BPGM: variants seen among roughly 807,000 people sequenced by gnomAD.
The protein encoded by BPGM is 2,3-bisphosphoglycerate mutase, erythrocyte.
Under a neutral mutation model 21.6 loss-of-function variants are expected in BPGM, and 15 were observed. The observed-to-expected ratio is 0.70, with a 90% confidence interval of 0.47 to 1.07. The LOEUF (loss-of-function observed/expected upper bound fraction) is 1.07. BPGM is among the 50% of genes least tolerant of loss of function. The probability of loss-of-function intolerance (pLI) is 0.00; values close to 1 mark genes in which losing one functional copy is unlikely to be tolerated. For synonymous variants in BPGM, 113 were observed against 116.2 expected, an observed-to-expected ratio of 0.97 and a Z score of 0.18; for missense variants, 273 against 319.0, an observed-to-expected ratio of 0.86 and a Z score of 1.10.
At chr7:134,658,981 G>A (rs1795686690) in intron 1 of BPGM, among the ~76,000 whole-genome samples, 2 of 151,284 alleles carry the variant, frequency 1.3e-5, no homozygotes, top group Admixed American at 1.3e-4. Flanking sequence ...TTGGTGGTGG[G>A]TGCCTGAGTG....
intron 2 of BPGM, among the ~76,000 whole-genome samples, chr7:134,666,497 G>C (rs1795823405): frequency 6.6e-6 from 1 of 152,166 alleles, no homozygotes; most frequent in African/African-American, 2.4e-5. Flanking sequence ...CCATAGCCTA[G>C]AAAACTAATG....
chr7:134,656,324 T>TTATA (rs1451108069), intron 1 of BPGM, among the ~76,000 whole-genome samples: 1 of 152,176 alleles, frequency 6.6e-6, no homozygotes, highest in African/African-American at 2.4e-5. Context: ...TATGCTTTCA[T>TTATA]TATAAAGTAC....
chr7:134,655,597 CAA>C (rs1795624567), intron 1 of BPGM, among the ~76,000 whole-genome samples: 1 of 152,142 alleles, frequency 6.6e-6, no homozygotes, highest in African/African-American at 2.4e-5. Flanking sequence ...ACTTATAGTA[CAA>C]AAGTACAAAG....
At position 134,679,223 on chromosome 7, in the gene BPGM, T is replaced by TA. The variant is rs2131469732; in HGVS notation, c.*193dup. On this transcript the variant is annotated 3_prime_UTR_variant, in exon 3 of 3. Coordinates refer to ENST00000344924, the MANE Select transcript of BPGM (RefSeq NM_001724.5). ...TGCCTCAGTGCTTATGTCATAGCCT[T>TA]ATGAGTTAGCTTTCTTGCTAGCCCC... 1 of 625,676 alleles carries TA rather than the reference T, an allele frequency of 1.6e-6. No homozygotes were observed. The highest frequency in any genetic ancestry group is 2.8e-5 in the East Asian group (1 of 35,406). 38.8% of individuals were successfully genotyped at this position (625,676 alleles called of 1,614,324 possible).
chr7:134,658,892 A>ATTTTTGTTTTTTTTTTTTTTTTTT (rs1795683397), intron 1 of BPGM, among the ~76,000 whole-genome samples: 1 of 143,900 alleles, frequency 6.9e-6, no homozygotes, highest in Admixed American at 7.0e-5. Context: ...GTGTGTGTGT[A>ATTTTTGTTTTTTTTTTTTTTTTTT]TTTTTTTTTT....
chr7:134,674,205 G>A lies in BPGM; in HGVS notation c.602-4648G>A, dbSNP rs527785380. On this transcript the variant is annotated intron_variant, in intron 2 of 2. Transcript: ENST00000344924. ...TGAGATTAGAGGCATGAGCCACTGC[G>A]CCCAGCCCTGTTTACTATTTTTTAA... Among the ~76,000 whole-genome samples, 7 of 152,170 alleles carry A rather than the reference G, an allele frequency of 4.6e-5. No individual in the cohort carries two copies. The East Asian group carries it at 7.7e-4, about 17-fold the overall frequency.
At chr7:134,658,566 G>A (rs1795677754) in intron 1 of BPGM, 2 of 152,146 alleles carry the variant, frequency 1.3e-5, no homozygotes, top group African/African-American at 4.8e-5. Flanking sequence ...AAATCACACT[G>A]GCTACAGCGT....
intron 2 of BPGM, among the ~76,000 whole-genome samples, chr7:134,672,348 A>C (rs1795918548): frequency 6.6e-6 from 1 of 152,112 alleles, no homozygotes; most frequent in Non-Finnish European, 1.5e-5. Flanking sequence ...GTAGCTGTGA[A>C]GGGAAACACC....
In BPGM at chr7:134,646,897, GGCT is replaced by G. The variant is rs147174635; in HGVS notation, c.-79_-77del. ...TGGCTCTTTGGCGGCTCGGAGGAGC[GGCT>G]GCTGCTGCTGCTGCTGCTGCTGGTG... On this transcript the variant is annotated 5_prime_UTR_variant, in exon 1 of 3. Transcript: ENST00000344924. The G allele has an allele frequency of 0.01, 1,874 of 184,280 alleles. 12 individuals carry two copies. The highest frequency in any genetic ancestry group is 0.026 in the African/African-American group (1,110 of 42,180). The allele number at this position is 184,280 out of a possible 1,614,324, so 11.4% of individuals were successfully genotyped here.
chr7:134,647,504 C>T (rs1049206859), intron 1 of BPGM, among the ~76,000 whole-genome samples: 1 of 152,206 alleles, frequency 6.6e-6, no homozygotes, highest in Admixed American at 6.5e-5. Context: ...TTCCTCTTTT[C>T]TAAGGGACGA....
Position 134,675,492 on chromosome 7 carries a change from T to A in BPGM, c.602-3361T>A, listed in dbSNP as rs558860058. Among the ~76,000 whole-genome samples the A allele has an allele frequency of 1.7e-3, 263 of 152,322 alleles. 1 individual carries two copies. The highest frequency in any genetic ancestry group is 6.1e-3 in the African/African-American group (252 of 41,580). The stretch of plus-strand genomic sequence containing the variant: ...TGGATATACAGTTATCCCAGTACTA[T>A]TTGTTGAAAAGATTATTGTTTCTGC... On this transcript the variant is annotated intron_variant, in intron 2 of 2. Transcript: ENST00000344924.
intron 1 of BPGM, among the ~76,000 whole-genome samples, chr7:134,656,377 A>G (rs970508913): frequency 2.0e-5 from 3 of 152,186 alleles, no homozygotes; most frequent in African/African-American, 7.2e-5. Context: ...AAGAATGTAA[A>G]TTGCCTTATT....
chr7:134,670,064 A>T (rs537651057), intron 2 of BPGM, among the ~76,000 whole-genome samples: 2 of 152,314 alleles, frequency 1.3e-5, no homozygotes, highest in Admixed American at 1.3e-4. Flanking sequence ...ACGTCCAAGG[A>T]AAAGCCAGGT....
At chr7:134,657,037 C>A (rs1408399228) in intron 1 of BPGM, among the ~76,000 whole-genome samples, 3 of 152,150 alleles carry the variant, frequency 2.0e-5, no homozygotes, top group Non-Finnish European at 4.4e-5. Flanking sequence ...TACAGCAGGC[C>A]CCATGCAAGT....
At chr7:134,660,323 C>G (rs549528693) in intron 1 of BPGM, 1 of 152,262 alleles carries the variant, frequency 6.6e-6, no homozygotes, top group Admixed American at 6.5e-5. Context: ...GGCTGTAGTG[C>G]TCGTATAATC....
At chr7:134,666,948 T>C (rs1281743168) in intron 2 of BPGM, among the ~76,000 whole-genome samples, 1 of 152,196 alleles carries the variant, frequency 6.6e-6, no homozygotes, top group Admixed American at 6.5e-5. Context: ...TTTAGTGAGA[T>C]TTTAGCCCTT....
At chr7:134,672,900 C>T (rs548604807) in intron 2 of BPGM, among the ~76,000 whole-genome samples, 16 of 152,184 alleles carry the variant, frequency 1.1e-4, no homozygotes, top group East Asian at 3.9e-4. Context: ...GTTGGCCGGG[C>T]GCGGTGGCTC....
rs566467108 is a variant in BPGM at position 134,662,088 on chromosome 7, C to T, written c.581C>T (p.Ala194Val). Reference sequence around the variant, plus strand: ...TCTGCTCATGGAAATAGCAGTAGGGCACTCCTAAAACACCTGGAAGGTACC... The same window carrying T: ...TCTGCTCATGGAAATAGCAGTAGGGTACTCCTAAAACACCTGGAAGGTACC... ...LISAHGNSSR[A>V]LLKHLEGISD... is the part of the protein sequence containing the mutation. Residue 194 changes from alanine (A) to valine (V), a missense_variant, in exon 2 of 3, where the codon GCA becomes GTA. Ala to Val is a moderately conservative substitution (Grantham distance 64). Coordinates refer to ENST00000344924, the MANE Select transcript of BPGM (RefSeq NM_001724.5). The T allele has an allele frequency of 5.8e-5, 94 of 1,614,012 alleles. No individual in the cohort carries two copies. Among genetic ancestry groups the T allele is most frequent in the Non-Finnish European group, 7.8e-5 (92 of 1,180,012 alleles).
intron 1 of BPGM, among the ~76,000 whole-genome samples, chr7:134,656,726 C>T (rs1326579362): frequency 2.0e-5 from 3 of 152,200 alleles, no homozygotes; most frequent in Non-Finnish European, 4.4e-5. Context: ...TCCCATGACA[C>T]ATGGGGATTA....
Sources: gnomAD v4.1 joint callset for allele counts (sites outside exome capture counted in the v4.1 genomes callset) on GRCh38, gnomAD v4.1.1 for gene constraint, MANE v1.5 for transcripts, NCBI Gene and HGNC (gene_info 2026-07-23, HGNC 2026-07-21) for gene names.